Variants in ESRRG observed in about 807,000 individuals in gnomAD.
The protein encoded by ESRRG is estrogen-related receptor gamma.
Under a neutral mutation model 44.0 loss-of-function variants are expected in ESRRG, and 13 were observed. That is an observed-to-expected ratio of 0.30 (90% CI 0.19 to 0.47). The LOEUF (loss-of-function observed/expected upper bound fraction) is 0.47. ESRRG is among the 20% of genes least tolerant of loss of function. The pLI is 1.00. For missense variants in ESRRG, 395 were observed against 580.6 expected (o/e 0.68, Z 3.29); for synonymous variants, 215 against 214.6 (o/e 1.00, Z -0.02).
intron 2 of ESRRG, among the ~76,000 whole-genome samples, chr1:216,810,122 G>A (rs1190658433): frequency 6.6e-6 from 1 of 152,042 alleles, no homozygotes; most frequent in Non-Finnish European, 1.5e-5. Context: ...TGGTGGTGGC[G>A]AAAACAGAGA....
intron 3 of ESRRG, among the ~76,000 whole-genome samples, chr1:216,627,587 A>G: frequency 6.6e-6 from 1 of 152,240 alleles, no homozygotes; most frequent in South Asian, 2.1e-4. Flanking sequence ...TAAGTTAAGT[A>G]TCATTTCCCA....
chr1:216,873,260 G>A (rs1354770429), intron 2 of ESRRG, among the ~76,000 whole-genome samples: 3 of 131,752 alleles, frequency 2.3e-5, no homozygotes, highest in Non-Finnish European at 4.6e-5. Context: ...CGCTCAGGCT[G>A]AAATGCAATG....
chr1:216,677,628 A>C lies in ESRRG; in HGVS notation c.57-137T>G, dbSNP rs904511423. 4.1e-6 allele frequency: 3 copies of C among 736,462 alleles called. No homozygotes were observed. The African/African-American group carries it at 5.3e-5, about 13-fold the overall frequency. 45.6% of individuals were successfully genotyped at this position (736,462 alleles called of 1,614,324 possible). ...AAGGTAAAAGGAGGAAAAAAACAGA[A>C]TTCATATGTTAAAGACATTGCTCTT... On this transcript the variant is annotated intron_variant, in intron 1 of 6. Transcript: ENST00000408911.
chr1:216,650,866 T>C (rs556803558), intron 3 of ESRRG, 107 bp downstream of exon 3: 21 of 742,716 alleles, frequency 2.8e-5, no homozygotes, highest in South Asian at 2.3e-4. Flanking sequence ...GTCAGGGTAC[T>C]TACTGTTACC....
At chr1:216,524,221 A>ATATATATACATATATATATATATGTAAGT (rs2046957056) in intron 5 of ESRRG, among the ~76,000 whole-genome samples, 1 of 138,804 alleles carries the variant, frequency 7.2e-6, no homozygotes, top group Non-Finnish European at 1.5e-5. Context: ...AACTTTATAT[A>ATATATATACATATATATATATATGTAAGT]TATATATACA....
At chr1:216,734,631 C>T (rs2089515295) in intron 2 of ESRRG, among the ~76,000 whole-genome samples, 1 of 152,120 alleles carries the variant, frequency 6.6e-6, no homozygotes, top group African/African-American at 2.4e-5. Flanking sequence ...CTGTAGTGAA[C>T]AAAATAAACC....
intron 2 of ESRRG, among the ~76,000 whole-genome samples, chr1:216,921,969 G>A (rs1328746554): frequency 1.3e-5 from 2 of 152,146 alleles, no homozygotes; most frequent in Non-Finnish European, 2.9e-5. Flanking sequence ...GTTCTGGAGG[G>A]TGAAGGTTGT....
intron 3 of ESRRG, among the ~76,000 whole-genome samples, chr1:216,572,305 C>G (rs1194515563): frequency 1.3e-5 from 2 of 151,894 alleles, no homozygotes; most frequent in Non-Finnish European, 2.9e-5. Flanking sequence ...GATTTTTCCC[C>G]CCAGGACAAT....
chr1:216,941,374 T>C (rs1245981678), intron 1 of ESRRG, among the ~76,000 whole-genome samples: 1 of 152,204 alleles, frequency 6.6e-6, no homozygotes, highest in Non-Finnish European at 1.5e-5. Context: ...TGTGTAATAT[T>C]GCTAATGCTC....
chr1:216,704,722 C>T (rs1023225283), intron 1 of ESRRG, among the ~76,000 whole-genome samples: 3 of 151,814 alleles, frequency 2.0e-5, no homozygotes, highest in Non-Finnish European at 4.4e-5. Flanking sequence ...ATTATCCACA[C>T]GTATATGTCT....
At chr1:216,522,185 C>T (rs958787505) in intron 5 of ESRRG, among the ~76,000 whole-genome samples, 1 of 146,308 alleles carries the variant, frequency 6.8e-6, no homozygotes, top group Non-Finnish European at 1.5e-5. Context: ...ATCCTTCCTG[C>T]AAACCTAACT....
At chr1:216,861,770 C>T (rs1400210924) in intron 2 of ESRRG, among the ~76,000 whole-genome samples, 2 of 151,942 alleles carry the variant, frequency 1.3e-5, no homozygotes, top group Admixed American at 1.3e-4. Context: ...CCAACACTAG[C>T]AGAATATATT....
intron 1 of ESRRG, among the ~76,000 whole-genome samples, chr1:216,689,806 G>C (rs1462214844): frequency 6.7e-6 from 1 of 150,114 alleles, no homozygotes; most frequent in African/African-American, 2.5e-5. Flanking sequence ...AGATTATACA[G>C]ATGAAAAAAC....
At position 216,537,069 on chromosome 1, in the gene ESRRG, G is replaced by C. The variant is rs1433301601; in HGVS notation, c.863-17648C>G. ...GTCCTTTGTCTATCAGGGTGCTATA[G>C]ACTGACAGTTTATATTCCTCTAAAA... On this transcript the variant is annotated intron_variant, in intron 5 of 6. Transcript: ENST00000408911. 2.0e-5 allele frequency among the ~76,000 whole-genome samples: 3 copies of C among 152,128 alleles called. No individual in the cohort carries two copies. In the South Asian group the frequency reaches 6.2e-4, roughly 32 times the overall value.
intron 2 of ESRRG, among the ~76,000 whole-genome samples, chr1:216,811,489 A>T (rs1236111649): frequency 2.0e-5 from 3 of 152,186 alleles, no homozygotes; most frequent in Non-Finnish European, 4.4e-5. Context: ...AAGTACGCGC[A>T]CTTGCAAAAA....
intron 5 of ESRRG, among the ~76,000 whole-genome samples, chr1:216,530,144 GA>G: frequency 6.7e-6 from 1 of 149,176 alleles, no homozygotes; most frequent in African/African-American, 2.5e-5. Context: ...GGGGGTGGGG[GA>G]AAGAATAGTA....
Position 216,666,429 on chromosome 1 carries a change from C to T in ESRRG, c.472+10647G>A, listed in dbSNP as rs1575012793. The stretch of plus-strand genomic sequence containing the variant: ...ACAAAGTATCATTCCTATTGTTTTG[C>T]TCTCAAGCATTTAACATGCCGTTCA... On this transcript the variant is annotated intron_variant, in intron 2 of 6. Transcript: ENST00000408911. 2.6e-5 allele frequency among the ~76,000 whole-genome samples: 4 copies of T among 152,274 alleles called. No homozygotes were observed. In the East Asian group the frequency reaches 5.8e-4, roughly 22 times the overall value.
intron 1 of ESRRG, among the ~76,000 whole-genome samples, chr1:216,994,651 G>A (rs1010787164): frequency 8.6e-5 from 13 of 151,784 alleles, no homozygotes; most frequent in African/African-American, 2.7e-4. Flanking sequence ...GCGCTATGTC[G>A]GCTCACTGCA....
At chr1:216,839,932 G>A (rs910641519) in intron 2 of ESRRG, among the ~76,000 whole-genome samples, 1 of 152,178 alleles carries the variant, frequency 6.6e-6, no homozygotes, top group Non-Finnish European at 1.5e-5. Flanking sequence ...GGCAGAGAAG[G>A]ATTTAGCATC....
Sources: allele counts gnomAD v4.1 joint callset (sites outside exome capture counted in the v4.1 genomes callset), GRCh38; gene constraint gnomAD v4.1.1; transcripts MANE v1.5; gene names NCBI Gene and HGNC (gene_info 2026-07-23, HGNC 2026-07-21).